The following WWC2 variants were observed in gnomAD, a reference collection of about 807,000 sequenced individuals.
WWC2 encodes the protein WW and C2 domain containing 2.
Under a neutral mutation model 138.5 loss-of-function variants are expected in WWC2, and 101 were observed. The ratio of observed to expected loss-of-function variants is 0.73; its 90% CI spans 0.62 to 0.86. The LOEUF (loss-of-function observed/expected upper bound fraction) is 0.86. WWC2 is among the 40% of genes least tolerant of loss of function. The pLI is 0.00. For missense variants in WWC2, 1,420 were observed against 1,419.4 expected (o/e 1.00, Z -0.01); for synonymous variants, 558 against 538.4 (o/e 1.04, Z -0.50).
At position 183,149,389 on chromosome 4, in the gene WWC2, G is replaced by A. The variant is rs570131639; in HGVS notation, c.132-44210G>A. Reference sequence around the variant, plus strand: ...TGTAATCCCAGCACTTTGGGAGGCCGAGGTGGGCAGATCACCTGAGGTTGG... The same window carrying A: ...TGTAATCCCAGCACTTTGGGAGGCCAAGGTGGGCAGATCACCTGAGGTTGG... On this transcript the variant is annotated intron_variant, in intron 1 of 22. Transcript: ENST00000403733. Among the ~76,000 whole-genome samples, 569 of 152,210 alleles carry A rather than the reference G, an allele frequency of 3.7e-3. 3 individuals carry two copies. The highest frequency in any genetic ancestry group is 0.013 in the African/African-American group (532 of 41,566).
At chr4:183,169,865 C>T (rs1734228891) in intron 1 of WWC2, among the ~76,000 whole-genome samples, 1 of 152,090 alleles carries the variant, frequency 6.6e-6, no homozygotes, top group Non-Finnish European at 1.5e-5. Context: ...ATTATGTTTT[C>T]ATTGCAGGAA....
At chr4:183,123,527 C>G (rs1053912933) in intron 1 of WWC2, among the ~76,000 whole-genome samples, 1 of 152,008 alleles carries the variant, frequency 6.6e-6, no homozygotes, top group Non-Finnish European at 1.5e-5. Flanking sequence ...CAGGAATGCT[C>G]TACCCCAGCA....
At position 183,261,174 on chromosome 4, in the gene WWC2, T is replaced by C; in HGVS notation, c.1551T>C (p.Pro517=). The change falls in exon 11 of 23, where the codon CCT becomes CCC. Residue 517 remains proline, a synonymous_variant. Transcript: ENST00000403733. The stretch of plus-strand genomic sequence containing the variant: ...AGGTGGTCAAGTCCCCTAGCCAGCC[T>C]GGCCAGAGTGGACTCTGTGGAGTGG... ...ENEVVKSPSQ[P]GQSGLCGVAA... is the part of the protein sequence containing the mutation. 2 of 1,613,812 alleles carry C rather than the reference T, an allele frequency of 1.2e-6. No homozygotes were observed. The highest frequency in any genetic ancestry group is 2.2e-5 in the South Asian group (2 of 91,028).
At chr4:183,154,872 C>T (rs567626972) in intron 1 of WWC2, among the ~76,000 whole-genome samples, 17 of 152,316 alleles carry the variant, frequency 1.1e-4, no homozygotes, top group African/African-American at 3.8e-4. Flanking sequence ...CTAACCTGGA[C>T]TCTGGCCCCT....
intron 1 of WWC2, among the ~76,000 whole-genome samples, chr4:183,147,249 C>G (rs973427479): frequency 6.6e-6 from 1 of 152,246 alleles, no homozygotes; most frequent in Admixed American, 6.5e-5. Context: ...GCATCATTTA[C>G]TTCTCACAGA....
At chr4:183,286,157 C>T in intron 20 of WWC2, 98 bp downstream of exon 20, 2 of 1,160,070 alleles carry the variant, frequency 1.7e-6, no homozygotes, top group Admixed American at 2.0e-5. Context: ...AATGTCAGTG[C>T]TCCATGCGCT....
intron 20 of WWC2, among the ~76,000 whole-genome samples, chr4:183,286,714 T>C (rs1233659905): frequency 1.3e-5 from 2 of 152,156 alleles, no homozygotes; most frequent in East Asian, 3.8e-4. Context: ...TTAAAATGTG[T>C]GGTTCGGTGA....
At chr4:183,195,440 C>T (rs1234570888) in intron 2 of WWC2, among the ~76,000 whole-genome samples, 1 of 152,194 alleles carries the variant, frequency 6.6e-6, no homozygotes, top group Admixed American at 6.5e-5. Context: ...TCAGGGCTTC[C>T]TCCTCTTTCT....
chr4:183,260,888 G>T (rs1737299997), intron 10 of WWC2, 22 bp from the exon 11 acceptor site: 1 of 1,610,594 alleles, frequency 6.2e-7, no homozygotes, highest in African/African-American at 1.3e-5. Context: ...AGATTTTATG[G>T]TGTGTGCTTT....
chr4:183,213,090 C>T (rs1735655756), intron 4 of WWC2, among the ~76,000 whole-genome samples: 1 of 152,208 alleles, frequency 6.6e-6, no homozygotes, highest in South Asian at 2.1e-4. Context: ...TTTAATACTT[C>T]CTGGCACTGT....
At position 183,228,721 on chromosome 4, in the gene WWC2, G is replaced by A. The variant is rs368166603; in HGVS notation, c.523-11462G>A. Among the ~76,000 whole-genome samples, 86 of 152,170 alleles carry A rather than the reference G, an allele frequency of 5.7e-4. 3 individuals are homozygous for A. Among genetic ancestry groups the A allele is most frequent in the African/African-American group, 2.0e-3 (81 of 41,432 alleles). On this transcript the variant is annotated intron_variant, in intron 4 of 22. Coordinates refer to ENST00000403733, the MANE Select transcript of WWC2 (RefSeq NM_024949.6). ...GGGCAGCTGGAACTCTTTACTGCTG[G>A]TGGGAAACTGGCCTTTCCTAATAAA...
At chr4:183,247,637 T>C (rs865964691) in intron 6 of WWC2, among the ~76,000 whole-genome samples, 4 of 142,230 alleles carry the variant, frequency 2.8e-5, no homozygotes, top group Non-Finnish European at 3.0e-5. Context: ...ATACTATATA[T>C]ACTATATATA....
intron 2 of WWC2, among the ~76,000 whole-genome samples, chr4:183,205,698 G>C (rs1735428871): frequency 2.0e-5 from 3 of 152,102 alleles, no homozygotes; most frequent in Admixed American, 2.0e-4. Flanking sequence ...GTTAGGTTAG[G>C]TTCAGAGTAG....
intron 5 of WWC2, chr4:183,240,730 C>G (rs1736589474): frequency 6.6e-6 from 1 of 152,654 alleles, no homozygotes; most frequent in Non-Finnish European, 1.5e-5. Context: ...GAGTCTAACC[C>G]TGACAGATGG....
intron 8 of WWC2, 76 bp downstream of exon 8, chr4:183,250,069 C>T: frequency 3.7e-6 from 5 of 1,356,518 alleles, no homozygotes; most frequent in East Asian, 2.4e-5. Flanking sequence ...CCTGTGGTGA[C>T]ATCTGCTGGG....
At chr4:183,116,258 A>T (rs1732405611) in intron 1 of WWC2, among the ~76,000 whole-genome samples, 1 of 152,156 alleles carries the variant, frequency 6.6e-6, no homozygotes, top group Non-Finnish European at 1.5e-5. Flanking sequence ...TGTGCTAAAG[A>T]TGATGATGAT....
At chr4:183,211,694 C>T (rs1469630012) in intron 4 of WWC2, among the ~76,000 whole-genome samples, 1 of 152,192 alleles carries the variant, frequency 6.6e-6, no homozygotes, top group Admixed American at 6.5e-5. Context: ...GCTGCCAGCC[C>T]TTCTCTGTGT....
intron 21 of WWC2, among the ~76,000 whole-genome samples, chr4:183,309,481 A>T (rs903339372): frequency 6.6e-6 from 1 of 152,240 alleles, no homozygotes; most frequent in Non-Finnish European, 1.5e-5. Flanking sequence ...AAGATATTTA[A>T]CATCGTATGT....
intron 1 of WWC2, among the ~76,000 whole-genome samples, chr4:183,116,618 C>T (rs1185757055): frequency 2.0e-5 from 3 of 152,312 alleles, no homozygotes; most frequent in East Asian, 1.9e-4. Context: ...AAGATAGAGC[C>T]TCCTTCAGGA....
Sources: allele counts gnomAD v4.1 joint callset (sites outside exome capture counted in the v4.1 genomes callset), GRCh38; gene constraint gnomAD v4.1.1; transcripts MANE v1.5; gene names NCBI Gene and HGNC (gene_info 2026-07-23, HGNC 2026-07-21).